ICA1: variants seen among roughly 807,000 people sequenced by gnomAD.
ICA1 encodes 69 kDa islet cell autoantigen.
A neutral mutation model predicts 71.0 loss-of-function variants in ICA1; 40 were observed. The ratio of observed to expected loss-of-function variants is 0.56; its 90% confidence interval spans 0.44 to 0.73. ICA1 has a LOEUF of 0.73. ICA1 is among the 30% of genes least tolerant of loss of function. The probability of loss-of-function intolerance (pLI) is 0.00; values close to 1 mark genes in which losing one functional copy is unlikely to be tolerated. For missense variants in ICA1, 578 were observed against 576.5 expected, an observed-to-expected ratio of 1.00 and a Z score of -0.03; for synonymous variants, 207 against 209.5, an observed-to-expected ratio of 0.99 and a Z score of 0.10.
intron 6 of ICA1, among the ~76,000 whole-genome samples, chr7:8,196,333 T>C (rs1787553082): frequency 6.6e-6 from 1 of 152,186 alleles, no homozygotes; most frequent in African/African-American, 2.4e-5. Context: ...AAAAGATCAG[T>C]GCTTGCCAGG....
rs1018220677 is a variant in ICA1 at position 8,158,959 on chromosome 7, G to A, written c.580-307C>T. 2.8e-4 allele frequency among the ~76,000 whole-genome samples: 42 copies of A among 152,224 alleles called. 1 individual carries two copies. The highest frequency in any genetic ancestry group is 2.6e-3 in the Admixed American group (40 of 15,280). On this transcript the variant is annotated intron_variant, in intron 6 of 13. Transcript: ENST00000402384. ...ATGGTTGGGAGAAGACTGGAGACAA[G>A]CAGGGTGGTGAGGAAATCAGCTTTG...
At chr7:8,262,263 G>C (rs531454737), upstream of ICA1, 1 of 152,082 alleles carries the variant, frequency 6.6e-6, no homozygotes, top group Non-Finnish European at 1.5e-5. Context: ...GGCGGAGCCC[G>C]TGCGCACCGC....
At chr7:8,178,463 T>C (rs1459402854) in intron 6 of ICA1, among the ~76,000 whole-genome samples, 1 of 152,202 alleles carries the variant, frequency 6.6e-6, no homozygotes. Flanking sequence ...CTAAAAATGC[T>C]AGTCAAATAA....
intron 6 of ICA1, among the ~76,000 whole-genome samples, chr7:8,198,003 T>C (rs755183606): frequency 2.0e-5 from 3 of 152,262 alleles, no homozygotes; most frequent in Non-Finnish European, 2.9e-5. Context: ...TTTGGAATGA[T>C]GTATTTCTAT....
chr7:8,193,053 A>G (rs1049624445), intron 6 of ICA1, among the ~76,000 whole-genome samples: 2 of 152,208 alleles, frequency 1.3e-5, no homozygotes, highest in African/African-American at 4.8e-5. Context: ...AGAAACAAAG[A>G]TCTGGTTTCT....
At chr7:8,213,821 C>T (rs1794586820) in intron 6 of ICA1, among the ~76,000 whole-genome samples, 1 of 152,198 alleles carries the variant, frequency 6.6e-6, no homozygotes, top group Admixed American at 6.5e-5. Context: ...AAGCCACCAA[C>T]ATTTGTTAAT....
chr7:8,152,583 T>TCCACCACCAC (rs1799293492), intron 8 of ICA1, among the ~76,000 whole-genome samples: 1 of 147,032 alleles, frequency 6.8e-6, no homozygotes, highest in Non-Finnish European at 1.5e-5. Flanking sequence ...CACCATCTCC[T>TCCACCACCAC]TCACCACCAC....
intron 12 of ICA1, among the ~76,000 whole-genome samples, chr7:8,135,956 C>T (rs952836679): frequency 6.6e-6 from 1 of 152,126 alleles, no homozygotes; most frequent in African/African-American, 2.4e-5. Flanking sequence ...AAGATTTCTC[C>T]ATGTTATAAT....
chr7:8,183,483 A>C (rs1191586298), intron 6 of ICA1, among the ~76,000 whole-genome samples: 3 of 152,208 alleles, frequency 2.0e-5, no homozygotes, highest in African/African-American at 7.2e-5. Context: ...CTTTGGGGAC[A>C]ATTATATGCA....
chr7:8,146,573 G>A (rs149685087), intron 8 of ICA1, among the ~76,000 whole-genome samples: 2 of 151,842 alleles, frequency 1.3e-5, no homozygotes, highest in East Asian at 1.9e-4. Context: ...TGCAATACAC[G>A]ATCCTTGGCT....
intron 5 of ICA1, chr7:8,218,849 C>T (rs771043237): frequency 8.2e-6 from 3 of 367,046 alleles, no homozygotes; most frequent in Non-Finnish European, 1.6e-5. Context: ...ATGACCACTG[C>T]CCATTTCTAC....
intron 1 of ICA1, among the ~76,000 whole-genome samples, chr7:8,238,714 T>A: frequency 6.6e-6 from 1 of 152,202 alleles, no homozygotes; most frequent in Non-Finnish European, 1.5e-5. Flanking sequence ...TATGTGTTAT[T>A]TATAGTTATA....
At chr7:8,249,282 C>T (rs768666159) in intron 1 of ICA1, among the ~76,000 whole-genome samples, 17 of 152,122 alleles carry the variant, frequency 1.1e-4, no homozygotes, top group African/African-American at 3.4e-4. Flanking sequence ...GCTGGAAGTG[C>T]GGTGGGGAGG....
At chr7:8,249,685 G>C (rs900207107) in intron 1 of ICA1, among the ~76,000 whole-genome samples, 8 of 152,112 alleles carry the variant, frequency 5.3e-5, no homozygotes, top group African/African-American at 1.7e-4. Context: ...TCAGAGATCA[G>C]TTTCATCTGG....
intron 12 of ICA1, among the ~76,000 whole-genome samples, chr7:8,134,866 A>G (rs539313863): frequency 1.3e-5 from 2 of 152,018 alleles, no homozygotes; most frequent in South Asian, 4.2e-4. Context: ...ACAACAAACC[A>G]ACAGCACTGG....
chr7:8,187,274 C>A (rs987982561), intron 6 of ICA1, among the ~76,000 whole-genome samples: 1 of 152,174 alleles, frequency 6.6e-6, no homozygotes, highest in Non-Finnish European at 1.5e-5. Context: ...TCTTAGGCTG[C>A]AAACCTGTAC....
In ICA1 at chr7:8,228,399, G is replaced by A. The variant is rs185732514; in HGVS notation, c.256+202C>T. On this transcript the variant is annotated intron_variant, in intron 4 of 13. Transcript: ENST00000402384. The stretch of plus-strand genomic sequence containing the variant: ...TCCATATCCATGGGAGATCCAAACA[G>A]AATTCTCCTAATATGATACTTGCTT... Among the ~76,000 whole-genome samples, 24 of 152,240 alleles carry A rather than the reference G, an allele frequency of 1.6e-4. No individual in the cohort carries two copies. The East Asian group carries it at 3.5e-3, about 22-fold the overall frequency.
chr7:8,210,088 T>C (rs1306294378), intron 6 of ICA1, among the ~76,000 whole-genome samples: 1 of 152,182 alleles, frequency 6.6e-6, no homozygotes, highest in Non-Finnish European at 1.5e-5. Context: ...GAGAAAGACA[T>C]GATCACTTTA....
chr7:8,256,379 C>T (rs1208264317), intron 1 of ICA1, among the ~76,000 whole-genome samples: 1 of 152,108 alleles, frequency 6.6e-6, no homozygotes, highest in Non-Finnish European at 1.5e-5. Flanking sequence ...AAATCTTACT[C>T]TCCTCCCCAC....
Sources: allele counts gnomAD v4.1 joint callset (sites outside exome capture counted in the v4.1 genomes callset), GRCh38; gene constraint gnomAD v4.1.1; transcripts MANE v1.5; gene names NCBI Gene and HGNC (gene_info 2026-07-23, HGNC 2026-07-21).